Variants in MAPRE2 observed in about 807,000 individuals in gnomAD.
MAPRE2 encodes microtubule-associated protein RP/EB family member 2.
MAPRE2 carries 13 observed loss-of-function variants against 43.2 expected under a neutral mutation model. The observed-to-expected ratio is 0.30, with a 90% CI of 0.20 to 0.48. The LOEUF (loss-of-function observed/expected upper bound fraction) is 0.48. Ranked by LOEUF, MAPRE2 falls within the 20% of genes least tolerant of loss-of-function variation. The probability of loss-of-function intolerance (pLI) is 0.99; values close to 1 mark genes in which losing one functional copy is unlikely to be tolerated. For missense variants in MAPRE2, 161 were observed against 400.2 expected (o/e 0.40, Z 5.10); for synonymous variants, 135 against 148.8 (o/e 0.91, Z 0.68).
At chr18:35,104,118 T>G (rs1367656645) in intron 4 of MAPRE2, among the ~76,000 whole-genome samples, 1 of 152,068 alleles carries the variant, frequency 6.6e-6, no homozygotes, top group African/African-American at 2.4e-5. Flanking sequence ...GTAGGAAATT[T>G]GTAGAAAGAG....
chr18:35,040,902 T>C (rs1905309852), upstream of MAPRE2, among the ~76,000 whole-genome samples: 1 of 152,212 alleles, frequency 6.6e-6, no homozygotes, highest in African/African-American at 2.4e-5. Context: ...TTTGGGGAGA[T>C]GGTTGCTGCT....
chr18:35,043,007 C>A (rs1043052496), intron 1 of MAPRE2, among the ~76,000 whole-genome samples: 6 of 152,090 alleles, frequency 3.9e-5, no homozygotes, highest in Non-Finnish European at 8.8e-5. Context: ...TGGCTGTGCC[C>A]ATGAGGTCAC....
At chr18:35,022,571 G>A (rs961626308) in intron 2 of MAPRE2, among the ~76,000 whole-genome samples, 1 of 152,050 alleles carries the variant, frequency 6.6e-6, no homozygotes, top group African/African-American at 2.4e-5. Context: ...AACATTCTTC[G>A]GGTTGCAAGA....
chr18:35,138,884 C>T lies in MAPRE2; in HGVS notation c.910-1411C>T, dbSNP rs544406715. ...TTACTGCCTCTCAGAAAATAAGTGGCTCGTGACCTTGGCTGATAGTCTGAT... is the reference window on the plus strand; with the variant it reads ...TTACTGCCTCTCAGAAAATAAGTGGTTCGTGACCTTGGCTGATAGTCTGAT... On this transcript the variant is annotated intron_variant, in intron 6 of 6. Transcript: ENST00000300249. Among the ~76,000 whole-genome samples the T allele has an allele frequency of 1.4e-4, 21 of 152,226 alleles. No individual in the cohort carries two copies. The East Asian group carries it at 1.5e-3, about 11-fold the overall frequency.
At chr18:35,031,896 T>C (rs895363221) in intron 2 of MAPRE2, among the ~76,000 whole-genome samples, 17 of 152,150 alleles carry the variant, frequency 1.1e-4, no homozygotes, top group African/African-American at 4.1e-4. Flanking sequence ...TAAAATGCTA[T>C]TACTTAAGGC....
chr18:35,056,621 A>G (rs950966932), intron 1 of MAPRE2, among the ~76,000 whole-genome samples: 2 of 152,154 alleles, frequency 1.3e-5, no homozygotes, highest in Non-Finnish European at 2.9e-5. Context: ...TAACACATGT[A>G]TCTACTCTAG....
At chr18:35,016,010 A>AT (rs2150585207) in intron 2 of MAPRE2, among the ~76,000 whole-genome samples, 1 of 151,968 alleles carries the variant, frequency 6.6e-6, no homozygotes, top group East Asian at 1.9e-4. Context: ...TATGTCCATA[A>AT]GTACCCAATG....
At chr18:35,103,888 C>G (rs1044671196) in intron 4 of MAPRE2, among the ~76,000 whole-genome samples, 1 of 151,954 alleles carries the variant, frequency 6.6e-6, no homozygotes, top group Non-Finnish European at 1.5e-5. Context: ...AATGGTAGAG[C>G]CAGGAATGGC....
At chr18:35,052,606 G>C (rs535444144) in intron 1 of MAPRE2, among the ~76,000 whole-genome samples, 1 of 152,048 alleles carries the variant, frequency 6.6e-6, no homozygotes, top group Non-Finnish European at 1.5e-5. Flanking sequence ...TCATATGGCT[G>C]GTGTTTAACT....
intron 2 of MAPRE2, among the ~76,000 whole-genome samples, chr18:35,033,319 T>G (rs1293277788): frequency 6.6e-6 from 1 of 152,070 alleles, no homozygotes; most frequent in African/African-American, 2.4e-5. Context: ...ACAACCTTCA[T>G]GCTAAAAACT....
chr18:35,137,632 A>G (rs567207046), intron 6 of MAPRE2, among the ~76,000 whole-genome samples: 3 of 152,358 alleles, frequency 2.0e-5, no homozygotes, highest in South Asian at 2.1e-4. Flanking sequence ...GCAATACAAT[A>G]TGGAAGACAC....
At chr18:35,114,667 C>CA (rs1271187232) in intron 4 of MAPRE2, among the ~76,000 whole-genome samples, 3 of 152,180 alleles carry the variant, frequency 2.0e-5, no homozygotes, top group Admixed American at 1.3e-4. Flanking sequence ...TTTGGGCACT[C>CA]AGAGTCTGTT....
At chr18:34,978,655 A>G in intron 1 of MAPRE2, 1 of 886,714 alleles carries the variant, frequency 1.1e-6, no homozygotes, top group Non-Finnish European at 1.8e-6. Flanking sequence ...CCCTCTGGAA[A>G]TGAAATGCTT....
chr18:35,065,928 G>A (rs1221601720), intron 1 of MAPRE2, among the ~76,000 whole-genome samples: 2 of 152,220 alleles, frequency 1.3e-5, no homozygotes, highest in African/African-American at 4.8e-5. Context: ...GGGAGACAGC[G>A]CTTTGACTTT....
rs187329769 is a variant in MAPRE2, at chr18:35,068,682, C to T, written c.123-1513C>T. Among the ~76,000 whole-genome samples the T allele has an allele frequency of 1.5e-3, 234 of 152,276 alleles. 1 individual carries two copies. Among genetic ancestry groups the T allele is most frequent in the Non-Finnish European group, 1.9e-3 (130 of 68,024 alleles). On this transcript the variant is annotated intron_variant, in intron 1 of 6. Transcript: ENST00000300249. ...CAGGGTACCTCAGGGGGAAACTTCTCTTTGTAGAATTATTCCAGCTAATAA... is the reference window on the plus strand; with the variant it reads ...CAGGGTACCTCAGGGGGAAACTTCTTTTTGTAGAATTATTCCAGCTAATAA...
chr18:35,119,734 C>T (rs1387808722), intron 4 of MAPRE2, among the ~76,000 whole-genome samples: 1 of 152,216 alleles, frequency 6.6e-6, no homozygotes, highest in Non-Finnish European at 1.5e-5. Context: ...AGCATATTTA[C>T]ATGATGCAGT....
At chr18:35,116,127 CA>C (rs1482209316) in intron 4 of MAPRE2, among the ~76,000 whole-genome samples, 2 of 152,160 alleles carry the variant, frequency 1.3e-5, no homozygotes, top group Non-Finnish European at 2.9e-5. Flanking sequence ...ATAGGAAGAA[CA>C]CCTGAGCTAG....
intron 1 of MAPRE2, among the ~76,000 whole-genome samples, chr18:34,985,328 TATA>T (rs1430341098): frequency 5.2e-5 from 2 of 38,198 alleles, no homozygotes; most frequent in Non-Finnish European, 8.9e-5. Context: ...ATATATATAA[TATA>T]ATATATAATA....
chr18:35,105,897 C>CAT (rs1006591077), intron 4 of MAPRE2, among the ~76,000 whole-genome samples: 1 of 152,122 alleles, frequency 6.6e-6, no homozygotes, highest in Non-Finnish European at 1.5e-5. Flanking sequence ...TCAATACTCT[C>CAT]ATAGGTCCCT....
Sources: allele counts gnomAD v4.1 joint callset (sites outside exome capture counted in the v4.1 genomes callset), GRCh38; gene constraint gnomAD v4.1.1; transcripts MANE v1.5; gene names NCBI Gene and HGNC (gene_info 2026-07-23, HGNC 2026-07-21).